The following FCSK variants were observed in gnomAD, a reference collection of about 807,000 sequenced individuals.
FCSK encodes the protein fucose kinase.
A neutral mutation model predicts 122.5 loss-of-function variants in FCSK; 123 were observed. That is an observed-to-expected ratio of 1.00 (90% CI 0.87 to 1.17). FCSK has a LOEUF of 1.17. Ranked by LOEUF, FCSK falls within the 50% of genes most tolerant of loss-of-function variation. The probability of loss-of-function intolerance (pLI) is 0.00; values close to 1 mark genes in which losing one functional copy is unlikely to be tolerated. For synonymous variants in FCSK, 620 were observed against 625.5 expected (o/e 0.99, Z 0.13); for missense variants, 1,366 against 1,450.4 (o/e 0.94, Z 0.95).
chr16:70,467,750 CT>C (rs1279732713), intron 7 of FCSK, 135 bp from the exon 8 acceptor site: 20 of 737,264 alleles, frequency 2.7e-5, no homozygotes, highest in East Asian at 1.1e-4. Context: ...CAGGCCCCCC[CT>C]GAGAATGCCA....
rs1288433377 is a variant in FCSK, at chr16:70,467,439, C to A, written c.550C>A (p.Gln184Lys). 6.2e-7 allele frequency: 1 copy of A among 1,609,302 alleles called. No individual in the cohort carries two copies. Among genetic ancestry groups the A allele is most frequent in the Non-Finnish European group, 8.5e-7 (1 of 1,178,218 alleles). The change falls in exon 7 of 24, where the codon CAG becomes AAG. Residue 184 changes from glutamine to lysine, a missense_variant. By Grantham distance (53) the Gln-to-Lys change is moderately conservative (BLOSUM62 1). Coordinates refer to ENST00000288078, the MANE Select transcript of FCSK (RefSeq NM_145059.3). ...IALPGSPAYA[Q>K]NHGVYLTDPQ... The stretch of plus-strand genomic sequence containing the variant: ...CCTCCCAGGGAGCCCGGCCTACGCT[C>A]AGAATCATGGCGTCTACCTAACTGA...
rs757342983 is a variant in FCSK, at chr16:70,475,705, G to T, written c.2579G>T (p.Arg860Leu). ...ALAALQRAAG[R>L]VVGTEALIHA... ...GCTGCCTTGCAGCGAGCCGCAGGCC[G>T]GGTGGTGGGCACGGAAGCCCTGATC... The change falls in exon 20 of 24, where the codon CGG (arginine) becomes CTG (leucine). Residue 860 changes from arginine (R) to leucine (L), a missense_variant. Arg to Leu is a moderately radical substitution (Grantham distance 102). Transcript: ENST00000288078. 7.5e-6 allele frequency: 12 copies of T among 1,602,532 alleles called. No individual in the cohort carries two copies. The highest frequency in any genetic ancestry group is 1.0e-5 in the Non-Finnish European group (12 of 1,174,974).
intron 22 of FCSK, chr16:70,478,934 G>T: frequency 7.3e-6 from 5 of 689,468 alleles, no homozygotes; most frequent in African/African-American, 1.8e-5. Context: ...GCTGGGCAGG[G>T]TCCCCAGTGT....
In FCSK at chr16:70,467,422, G is replaced by A. The variant is rs770665685; in HGVS notation, c.533G>A (p.Gly178Glu). The change falls in exon 7 of 24, where the codon GGG becomes GAG. Residue 178 changes from glycine to glutamate, a missense_variant. By Grantham distance (98) the Gly-to-Glu change is moderately conservative. Coordinates refer to ENST00000288078, the MANE Select transcript of FCSK (RefSeq NM_145059.3). ...FRGARVIALPGSPAYAQNHGV... is the reference protein window; with the variant it reads ...FRGARVIALPESPAYAQNHGV... ...GGAGCCAGAGTGATCGCCCTCCCAG[G>A]GAGCCCGGCCTACGCTCAGAATCAT... The A allele has an allele frequency of 6.2e-6, 10 of 1,610,880 alleles. No homozygotes were observed. The highest frequency in any genetic ancestry group is 1.6e-4 in the Middle Eastern group (1 of 6,080).
intron 13 of FCSK, among the ~76,000 whole-genome samples, chr16:70,471,708 C>T (rs147798544): frequency 6.6e-6 from 1 of 152,174 alleles, no homozygotes; most frequent in Non-Finnish European, 1.5e-5. Context: ...AAGCGATTCT[C>T]CTGCCTCAGC....
intron 8 of FCSK, among the ~76,000 whole-genome samples, chr16:70,468,486 A>G (rs2048496929): frequency 6.6e-6 from 1 of 152,204 alleles, no homozygotes; most frequent in Admixed American, 6.5e-5. Context: ...AAGAAAGCCT[A>G]GAACCAGAAT....
chr16:70,478,603 A>G lies in FCSK; in HGVS notation c.2882A>G (p.His961Arg), dbSNP rs1444974923. Residue 961 changes from histidine (H) to arginine (R), a missense_variant, in exon 22 of 24, where the codon CAC becomes CGC. By Grantham distance (29) the His-to-Arg change is conservative. Coordinates refer to ENST00000288078, the MANE Select transcript of FCSK (RefSeq NM_145059.3). ...CTTCCTGCTGTGGTGCAGAATGCCC[A>G]CAGCCTGGTACGGCAAACTGAGGAG... is the stretch of plus-strand genomic sequence containing the variant. ...ARLPAVVQNA[H>R]SLVRQTEECA... The G allele has an allele frequency of 1.9e-6, 3 of 1,613,688 alleles. No individual in the cohort carries two copies. Among genetic ancestry groups the G allele is most frequent in the Admixed American group, 3.3e-5 (2 of 60,002 alleles).
In FCSK at chr16:70,474,785, C is replaced by T. The variant is rs2048745458; in HGVS notation, c.2156-5C>T. ...ACCAGCTTGAGTCTTGCCACACTGCCATAGGGGGCTGGAGTGACACGCCAC... is the reference window on the plus strand; with the variant it reads ...ACCAGCTTGAGTCTTGCCACACTGCTATAGGGGGCTGGAGTGACACGCCAC... On this transcript the variant is annotated splice_region_variant and splice_polypyrimidine_tract_variant and intron_variant, in intron 17 of 23. Coordinates refer to ENST00000288078, the MANE Select transcript of FCSK (RefSeq NM_145059.3). 4 of 1,566,038 alleles carry T rather than the reference C, an allele frequency of 2.6e-6. No individual in the cohort carries two copies. The East Asian group carries it at 9.4e-5, about 37-fold the overall frequency.
At chr16:70,469,812 C>G (rs566240876) in intron 10 of FCSK, among the ~76,000 whole-genome samples, 1 of 151,620 alleles carries the variant, frequency 6.6e-6, no homozygotes, top group East Asian at 1.9e-4. Flanking sequence ...GGCTTACAGG[C>G]ATGAGCCACC....
In FCSK at chr16:70,474,133, A is replaced by T. The variant is rs1479177403; in HGVS notation, c.1782A>T (p.Ala594=). The change falls in exon 16 of 24, where the codon GCA becomes GCT. Residue 594 remains alanine (A), a synonymous_variant. Coordinates refer to ENST00000288078, the MANE Select transcript of FCSK (RefSeq NM_145059.3). ...CCCCAACTCCTTGTCCCTCAGTTGC[A>T]GCTGGGGCAGGAGACCCTGGTGTGG... ...GPLLATLDQV[A]AGAGDPGVAA... 1 of 1,549,462 alleles carries T rather than the reference A, an allele frequency of 6.5e-7. No homozygotes were observed. The highest frequency in any genetic ancestry group is 8.7e-7 in the Non-Finnish European group (1 of 1,146,720).
At chr16:70,468,283 G>T (rs2048488923) in intron 8 of FCSK, among the ~76,000 whole-genome samples, 1 of 152,168 alleles carries the variant, frequency 6.6e-6, no homozygotes, top group African/African-American at 2.4e-5. Context: ...AGCTGAGCAT[G>T]GTGGTGTGTG....
rs2048457246 is a variant in FCSK at position 70,467,489 on chromosome 16, A to C, written c.582+18A>C. The C allele has an allele frequency of 1.9e-6, 3 of 1,561,746 alleles. No individual in the cohort carries two copies. The Admixed American group carries it at 5.6e-5, about 29-fold the overall frequency. Reference sequence around the variant, plus strand: ...ACCCCCAGGTAGTGCCCCTGGGGACAGTGGAGCCGGCTGGGGCAGCCTTCC... The same window carrying C: ...ACCCCCAGGTAGTGCCCCTGGGGACCGTGGAGCCGGCTGGGGCAGCCTTCC... On this transcript the variant is annotated intron_variant, in intron 7 of 23. Coordinates refer to ENST00000288078, the MANE Select transcript of FCSK (RefSeq NM_145059.3).
At chr16:70,469,985 C>T (rs1214476544) in intron 10 of FCSK, among the ~76,000 whole-genome samples, 1 of 152,118 alleles carries the variant, frequency 6.6e-6, no homozygotes, top group Non-Finnish European at 1.5e-5. Context: ...GCTGGGATTA[C>T]AGGTGCGTGG....
At chr16:70,474,029 A>T in intron 15 of FCSK, 100 bp from the exon 16 acceptor site, 1 of 1,083,654 alleles carries the variant, frequency 9.2e-7, no homozygotes, top group Non-Finnish European at 1.3e-6. Context: ...AGGAGGTGTG[A>T]GGGGTCTGGC....
Position 70,473,843 on chromosome 16 carries a change from G to A in FCSK, c.1778-286G>A, listed in dbSNP as rs2048710193. ...GAGCCACACGGCTAGCTGGTGGTGA[G>A]GCTGAGACCTGAGCCCAGGTGGTTT... On this transcript the variant is annotated intron_variant, in intron 15 of 23. Transcript: ENST00000288078. This position sits in a 1 kb window ranked among gnomAD's most constrained non-coding sequence, Gnocchi z 4.9. Among the ~76,000 whole-genome samples the A allele has an allele frequency of 6.6e-6, 1 of 152,216 alleles. No individual in the cohort carries two copies. The highest frequency in any genetic ancestry group is 1.5e-5 in the Non-Finnish European group (1 of 68,030).
chr16:70,464,969 T>C, intron 3 of FCSK, 157 bp from the exon 4 acceptor site: 1 of 1,515,268 alleles, frequency 6.6e-7, no homozygotes, highest in South Asian at 1.2e-5. Context: ...GGACCAGGGC[T>C]GCCCCTTGTC....
intron 1 of FCSK, among the ~76,000 whole-genome samples, chr16:70,455,426 A>G (rs1467980034): frequency 1.3e-5 from 2 of 152,012 alleles, no homozygotes; most frequent in African/African-American, 2.4e-5. Flanking sequence ...TGGAGGTTGC[A>G]GTGAGCCAAG....
chr16:70,455,272 G>C (rs551501455), intron 1 of FCSK, among the ~76,000 whole-genome samples: 1 of 152,266 alleles, frequency 6.6e-6, no homozygotes, highest in East Asian at 1.9e-4. Flanking sequence ...ACAGCGTGGG[G>C]CTGAGGACAC....
chr16:70,457,727 C>A lies in FCSK; in HGVS notation c.-23+3097C>A, dbSNP rs552630190. Among the ~76,000 whole-genome samples, 3 of 151,826 alleles carry A rather than the reference C, an allele frequency of 2.0e-5. No individual in the cohort carries two copies. The East Asian group carries it at 5.8e-4, about 29-fold the overall frequency. On this transcript the variant is annotated intron_variant, in intron 1 of 23. Transcript: ENST00000288078. ...GTAGCTGTGACTATAGGCACATTCACTGTGCCTGGCTAATTTTTGTATGTG... is the reference window on the plus strand; with the variant it reads ...GTAGCTGTGACTATAGGCACATTCAATGTGCCTGGCTAATTTTTGTATGTG...
Sources: allele counts gnomAD v4.1 joint callset (sites outside exome capture counted in the v4.1 genomes callset), GRCh38; gene constraint gnomAD v4.1.1; non-coding constraint Gnocchi (gnomAD v3.1); transcripts MANE v1.5; gene names NCBI Gene and HGNC (gene_info 2026-07-23, HGNC 2026-07-21).